PBX3: variants seen among roughly 807,000 people sequenced by gnomAD.
PBX3 encodes pre-B-cell leukemia transcription factor 3.
In PBX3, 14 loss-of-function variants were observed where a neutral mutation model predicts 48.5. The observed-to-expected ratio is 0.29, with a 90% CI of 0.19 to 0.45. The LOEUF is 0.45. PBX3 is among the 20% of genes least tolerant of loss of function. PBX3 has a pLI of 1.00. For missense variants in PBX3, 386 were observed against 546.7 expected (o/e 0.71, Z 2.93); for synonymous variants, 210 against 200.3 (o/e 1.05, Z -0.41).
chr9:125,790,742 T>C (rs532919219), intron 2 of PBX3, among the ~76,000 whole-genome samples: 1 of 152,010 alleles, frequency 6.6e-6, no homozygotes, highest in South Asian at 2.1e-4. Context: ...CTAATTTTTA[T>C]TTTTTGTAGA....
chr9:125,840,487 T>C (rs1196788299), intron 2 of PBX3, among the ~76,000 whole-genome samples: 1 of 151,556 alleles, frequency 6.6e-6, no homozygotes, highest in Non-Finnish European at 1.5e-5. Context: ...CTTCTAGAAG[T>C]TTATTAGTGA....
chr9:125,884,889 A>G (rs1295927860), intron 2 of PBX3, among the ~76,000 whole-genome samples: 1 of 152,206 alleles, frequency 6.6e-6, no homozygotes, highest in Non-Finnish European at 1.5e-5. Flanking sequence ...AAAAGCATGT[A>G]GAGAGAAGTA....
At chr9:125,816,725 T>G (rs548166206) in intron 2 of PBX3, among the ~76,000 whole-genome samples, 6 of 152,300 alleles carry the variant, frequency 3.9e-5, no homozygotes, top group African/African-American at 1.4e-4. Flanking sequence ...TCCTCAAGTT[T>G]TAGTCTGTCT....
intron 2 of PBX3, among the ~76,000 whole-genome samples, chr9:125,806,287 A>AGAGG (rs1264553036): frequency 6.6e-6 from 1 of 152,158 alleles, no homozygotes; most frequent in Non-Finnish European, 1.5e-5. Context: ...TGGCTGGAGC[A>AGAGG]GAGGGAGGGA....
At chr9:125,833,541 T>G (rs1839028033) in intron 2 of PBX3, among the ~76,000 whole-genome samples, 1 of 152,152 alleles carries the variant, frequency 6.6e-6, no homozygotes, top group African/African-American at 2.4e-5. Context: ...ACCGTAAATT[T>G]TATATCCTAA....
intron 2 of PBX3, among the ~76,000 whole-genome samples, chr9:125,879,235 G>A (rs917608591): frequency 6.6e-6 from 1 of 151,734 alleles, no homozygotes; most frequent in African/African-American, 2.4e-5. Context: ...ACTCCACCAC[G>A]CCCGGCTAAT....
intron 2 of PBX3, among the ~76,000 whole-genome samples, chr9:125,764,799 A>T (rs920308138): frequency 6.6e-6 from 1 of 152,050 alleles, no homozygotes; most frequent in African/African-American, 2.4e-5. Flanking sequence ...GCTTGTTTTT[A>T]TATTTTATTT....
intron 2 of PBX3, among the ~76,000 whole-genome samples, chr9:125,815,045 T>C (rs1241336927): frequency 1.3e-5 from 2 of 152,224 alleles, no homozygotes; most frequent in African/African-American, 4.8e-5. Flanking sequence ...TTTTCCTTAC[T>C]TGTATGCTTA....
At position 125,915,817 on chromosome 9, in the gene PBX3, G is replaced by A. The variant is rs748021321; in HGVS notation, c.406G>A (p.Ala136Thr). Reference protein sequence around the residue: ...GGGSAAAAAAAAASGGSSDNS... With the variant: ...GGGSAAAAAATAASGGSSDNS... ...GGGATCGGCGGCAGCAGCTGCAGCC[G>A]CGGCAGCCTCTGGAGGTTCTTCAGA... Residue 136 changes from alanine (A) to threonine (T), a missense_variant, in exon 3 of 9, where the codon GCG (alanine) becomes ACG (threonine). By Grantham distance (58) the Ala-to-Thr change is moderately conservative. Transcript: ENST00000373489. 52 of 1,613,892 alleles carry A rather than the reference G, an allele frequency of 3.2e-5. No homozygotes were observed. The highest frequency in any genetic ancestry group is 4.5e-5 in the East Asian group (2 of 44,868).
At chr9:125,772,109 T>C (rs1836955700) in intron 2 of PBX3, among the ~76,000 whole-genome samples, 1 of 152,236 alleles carries the variant, frequency 6.6e-6, no homozygotes, top group East Asian at 1.9e-4. Flanking sequence ...TTCTGTATCA[T>C]GTGCCTCCTG....
At chr9:125,863,744 T>C (rs940542809) in intron 2 of PBX3, among the ~76,000 whole-genome samples, 1 of 152,202 alleles carries the variant, frequency 6.6e-6, no homozygotes, top group African/African-American at 2.4e-5. Context: ...TGTTTCTTCA[T>C]CACTCTTTTT....
At chr9:125,931,586 G>A (rs1841716647) in intron 4 of PBX3, among the ~76,000 whole-genome samples, 1 of 152,162 alleles carries the variant, frequency 6.6e-6, no homozygotes, top group Admixed American at 6.5e-5. Flanking sequence ...ACCATGCCCA[G>A]CCAACTATTA....
chr9:125,780,720 G>A (rs1273463376), intron 2 of PBX3, among the ~76,000 whole-genome samples: 1,419 of 78,602 alleles, frequency 0.018, 81 homozygotes, highest in African/African-American at 0.076. Flanking sequence ...TCCCGGACGG[G>A]GGGCTGACCC....
At chr9:125,870,565 C>T (rs1323204018) in intron 2 of PBX3, among the ~76,000 whole-genome samples, 2 of 152,158 alleles carry the variant, frequency 1.3e-5, no homozygotes, top group East Asian at 3.9e-4. Context: ...CACCCACTCC[C>T]GTGATTCAGT....
At chr9:125,817,635 T>G (rs191907650) in intron 2 of PBX3, among the ~76,000 whole-genome samples, 2 of 152,346 alleles carry the variant, frequency 1.3e-5, no homozygotes, top group Non-Finnish European at 2.9e-5. Flanking sequence ...TAAACTAATC[T>G]AACTAAAGAA....
chr9:125,783,761 G>A (rs1478079849), intron 2 of PBX3, among the ~76,000 whole-genome samples: 2 of 152,092 alleles, frequency 1.3e-5, no homozygotes, highest in African/African-American at 4.8e-5. Flanking sequence ...CACTTTGAGA[G>A]GCTGAGGCGG....
intron 5 of PBX3, chr9:125,949,497 C>T (rs925010418): frequency 1.9e-6 from 3 of 1,549,836 alleles, no homozygotes; most frequent in Non-Finnish European, 2.6e-6. Context: ...GAGGGTGTGT[C>T]TGTTCTTAGT....
intron 2 of PBX3, among the ~76,000 whole-genome samples, chr9:125,773,108 C>T (rs1462789335): frequency 6.6e-6 from 1 of 152,112 alleles, no homozygotes; most frequent in African/African-American, 2.4e-5. Context: ...AGGGATTGAT[C>T]TGATCAGATT....
chr9:125,818,111 A>G (rs2132148680), intron 2 of PBX3, among the ~76,000 whole-genome samples: 1 of 152,124 alleles, frequency 6.6e-6, no homozygotes, highest in Admixed American at 6.5e-5. Flanking sequence ...AGGCAGAAGA[A>G]TAGCTAGAAC....
Sources: gnomAD v4.1 joint callset for allele counts (sites outside exome capture counted in the v4.1 genomes callset) on GRCh38, gnomAD v4.1.1 for gene constraint, MANE v1.5 for transcripts, NCBI Gene and HGNC (gene_info 2026-07-23, HGNC 2026-07-21) for gene names.